The following POU3F2 variants were observed in gnomAD, a reference collection of about 807,000 sequenced individuals.
The protein encoded by POU3F2 is POU class 3 homeobox 2, also known as POU domain, class 3, transcription factor 2.
Under a neutral mutation model 33.1 loss-of-function variants are expected in POU3F2, and 11 were observed. The ratio of observed to expected loss-of-function variants is 0.33; its 90% CI spans 0.21 to 0.55. The LOEUF (loss-of-function observed/expected upper bound fraction) is 0.55, where lower values mean the gene tolerates loss of function less well. Ranked by LOEUF, POU3F2 falls within the 20% of genes least tolerant of loss-of-function variation. The probability of loss-of-function intolerance (pLI) is 0.91; values close to 1 mark genes in which losing one functional copy is unlikely to be tolerated. For missense variants in POU3F2, 456 were observed against 620.2 expected (o/e 0.74, Z 2.81); for synonymous variants, 332 against 289.6 (o/e 1.15, Z -1.49).
chr6:98,835,120 G>C lies in POU3F2; in HGVS notation c.247G>C (p.Gly83Arg). 8.3e-7 allele frequency: 1 copy of C among 1,211,126 alleles called. No individual in the cohort carries two copies. The highest frequency in any genetic ancestry group is 1.0e-6 in the Non-Finnish European group (1 of 975,574). 75.0% of individuals were successfully genotyped at this position (1,211,126 alleles called of 1,614,324 possible). ...GGGGGGGGGG[G>R]GGGGGDGSPW... Reference sequence around the variant, plus strand: ...TGGCGGCGGCGGGGGGGGCGGGGGCGGCGGCGGGGGCGGCGGCGACGGCTC... The same window carrying C: ...TGGCGGCGGCGGGGGGGGCGGGGGCCGCGGCGGGGGCGGCGGCGACGGCTC... The change falls in exon 1 of 1, where the codon GGC becomes CGC. Residue 83 changes from glycine (G) to arginine (R), a missense_variant. Around this residue, in one of 6 missense-constraint regions of POU3F2, gnomAD observed 341 missense variants for 382.4 expected, o/e 0.89. Transcript: ENST00000328345. This position sits in a 1 kb window ranked among gnomAD's most constrained non-coding sequence, Gnocchi z 9.7.
In POU3F2 at chr6:98,836,903, C is replaced by T. The variant is rs538054465; in HGVS notation, c.*698C>T. The T allele has an allele frequency of 6.0e-6, 1 of 167,186 alleles. No homozygotes were observed. Among genetic ancestry groups the T allele is most frequent in the East Asian group, 1.9e-4 (1 of 5,192 alleles). The allele number at this position is 167,186 out of a possible 1,614,324, so 10.4% of individuals were successfully genotyped here. On this transcript the variant is annotated 3_prime_UTR_variant, in exon 1 of 1. Coordinates refer to ENST00000328345, the MANE Select transcript of POU3F2 (RefSeq NM_005604.4). ...CTCCATTTCTAATGTTCTTGTGTTG[C>T]CCCTTCTTCGTACTGTTTGTGAACT... is the stretch of plus-strand genomic sequence containing the variant.
chr6:98,834,884 C>T lies in POU3F2; in HGVS notation c.11C>T (p.Ala4Val), dbSNP rs1769967984. The change falls in exon 1 of 1, where the codon GCA becomes GTA. Residue 4 changes from alanine (A) to valine (V), a missense_variant. Coordinates refer to ENST00000328345, the MANE Select transcript of POU3F2 (RefSeq NM_005604.4). Reference sequence around the variant, plus strand: ...CCGGCTCCGAGAGTCATGGCGACCGCAGCGTCTAACCACTACAGCCTGCTC... The same window carrying T: ...CCGGCTCCGAGAGTCATGGCGACCGTAGCGTCTAACCACTACAGCCTGCTC... MAT[A>V]ASNHYSLLTS... 2 of 1,598,898 alleles carry T rather than the reference C, an allele frequency of 1.3e-6. No individual in the cohort carries two copies. Among genetic ancestry groups the T allele is most frequent in the Non-Finnish European group, 8.5e-7 (1 of 1,179,126 alleles).
Position 98,836,269 on chromosome 6 carries a change from C to A in POU3F2, c.*64C>A. 1 of 1,482,040 alleles carries A rather than the reference C, an allele frequency of 6.7e-7. No individual in the cohort carries two copies. The highest frequency in any genetic ancestry group is 9.0e-7 in the Non-Finnish European group (1 of 1,116,562). The allele number at this position is 1,482,040 out of a possible 1,614,324, so 91.8% of individuals were successfully genotyped here. A position where few individuals can be genotyped will look rare whatever the true frequency, so the allele number is the denominator to read the frequency against. On this transcript the variant is annotated 3_prime_UTR_variant, in exon 1 of 1. Coordinates refer to ENST00000328345, the MANE Select transcript of POU3F2 (RefSeq NM_005604.4). ...TCCCCTTCGGTCCTTGGCCCTTTCC[C>A]GGCCCTCTTGTTCCCTCTCTAACTT...
chr6:98,836,341 A>G lies in POU3F2; in HGVS notation c.*136A>G, dbSNP rs953391220. On this transcript the variant is annotated 3_prime_UTR_variant, in exon 1 of 1. Transcript: ENST00000328345. Reference sequence around the variant, plus strand: ...ATTATTATTTCCCCGTCCCTTAAAAAGACAAAAAAAATAAGGCAAAAGGAA... The same window carrying G: ...ATTATTATTTCCCCGTCCCTTAAAAGGACAAAAAAAATAAGGCAAAAGGAA... 4.2e-6 allele frequency: 5 copies of G among 1,195,440 alleles called. No homozygotes were observed. The highest frequency in any genetic ancestry group is 1.1e-6 in the Non-Finnish European group (1 of 890,290). The allele number at this position is 1,195,440 out of a possible 1,614,324, so 74.1% of individuals were successfully genotyped here.
rs1338676454 is a variant in POU3F2, at chr6:98,835,667, C to A, written c.794C>A (p.Pro265Gln). ...GACCCGCACTCGGACGAGGACACGCCGACCTCGGACGACCTGGAGCAGTTC... is the reference window on the plus strand; with the variant it reads ...GACCCGCACTCGGACGAGGACACGCAGACCTCGGACGACCTGGAGCAGTTC... ...HHDPHSDEDT[P>Q]TSDDLEQFAK... The change falls in exon 1 of 1, where the codon CCG becomes CAG. Residue 265 changes from proline (P) to glutamine (Q), a missense_variant. Physicochemically the swap from Pro to Gln is moderately conservative, Grantham distance 76. Around this residue, in one of 6 missense-constraint regions of POU3F2, gnomAD observed 19 missense variants for 49.1 expected, o/e 0.39. Coordinates refer to ENST00000328345, the MANE Select transcript of POU3F2 (RefSeq NM_005604.4). The surrounding 1 kb of genome is among the most constrained non-coding windows in gnomAD (Gnocchi z 9.7). 6.2e-7 allele frequency: 1 copy of A among 1,613,442 alleles called. No individual in the cohort carries two copies. Among genetic ancestry groups the A allele is most frequent in the Non-Finnish European group, 8.5e-7 (1 of 1,179,950 alleles).
chr6:98,836,475 T>G lies in POU3F2; in HGVS notation c.*270T>G. On this transcript the variant is annotated 3_prime_UTR_variant, in exon 1 of 1. Coordinates refer to ENST00000328345, the MANE Select transcript of POU3F2 (RefSeq NM_005604.4). ...GGAGTGGAGTGTCTCCTGGAGAGAG[T>G]GAGGAGAGTGTGTGATAGCTAGAAA... 1 of 370,522 alleles carries G rather than the reference T, an allele frequency of 2.7e-6. No homozygotes were observed. The highest frequency in any genetic ancestry group is 4.8e-5 in the East Asian group (1 of 20,942). The allele number at this position is 370,522 out of a possible 1,614,324, so 23.0% of individuals were successfully genotyped here. A position where few individuals can be genotyped will look rare whatever the true frequency, so the allele number is the denominator to read the frequency against.
chr6:98,834,790 C>A lies in POU3F2; in HGVS notation c.-84C>A. 1 of 1,438,802 alleles carries A rather than the reference C, an allele frequency of 7.0e-7. No homozygotes were observed. 89.1% of individuals were successfully genotyped at this position (1,438,802 alleles called of 1,614,324 possible). On this transcript the variant is annotated 5_prime_UTR_variant, in exon 1 of 1. Coordinates refer to ENST00000328345, the MANE Select transcript of POU3F2 (RefSeq NM_005604.4). ...AGAGAGAGGAGACAGAAAGAGCGAG[C>A]GAGGAGAGGGAGCCCGAGGCGAAAA... is the stretch of plus-strand genomic sequence containing the variant.
Position 98,835,635 on chromosome 6 carries a change from G to T in POU3F2, c.762G>T (p.Ala254=), listed in dbSNP as rs1252802628. The part of the protein sequence containing the change: ...PPQGPPGHPG[A]HHDPHSDEDT... ...AGGGTCCGCCTGGCCACCCAGGCGC[G>T]CACCACGACCCGCACTCGGACGAGG... The change falls in exon 1 of 1, where the codon GCG becomes GCT. Residue 254 remains alanine, a synonymous_variant. Transcript: ENST00000328345. This position sits in a 1 kb window ranked among gnomAD's most constrained non-coding sequence, Gnocchi z 9.7. 1.9e-6 allele frequency: 3 copies of T among 1,612,756 alleles called. No individual in the cohort carries two copies. Among genetic ancestry groups the T allele is most frequent in the Non-Finnish European group, 2.5e-6 (3 of 1,179,782 alleles).
At position 98,838,391 on chromosome 6, in the gene POU3F2, G is replaced by T. The variant is rs1456347911; in HGVS notation, c.*2186G>T. ...TCTACAGCTTCTCTGACTCTTATAGGTTTACTAAGATGAAAGTTACCACTG... is the reference window on the plus strand; with the variant it reads ...TCTACAGCTTCTCTGACTCTTATAGTTTTACTAAGATGAAAGTTACCACTG... On this transcript the variant is annotated 3_prime_UTR_variant, in exon 1 of 1. Coordinates refer to ENST00000328345, the MANE Select transcript of POU3F2 (RefSeq NM_005604.4). 1 of 166,954 alleles carries T rather than the reference G, an allele frequency of 6.0e-6. No individual in the cohort carries two copies. Among genetic ancestry groups the T allele is most frequent in the African/African-American group, 2.4e-5 (1 of 41,416 alleles). The allele number at this position is 166,954 out of a possible 1,614,324, so 10.3% of individuals were successfully genotyped here. A position where few individuals can be genotyped will look rare whatever the true frequency, so the allele number is the denominator to read the frequency against.
At position 98,838,795 on chromosome 6, in the gene POU3F2, C is replaced by A. The variant is rs537757012; in HGVS notation, c.*2590C>A. Reference sequence around the variant, plus strand: ...ATAAAACAGAAATGCACAATACCTTCATAGTTTGTTCTAATTATTGAAATA... The same window carrying A: ...ATAAAACAGAAATGCACAATACCTTAATAGTTTGTTCTAATTATTGAAATA... On this transcript the variant is annotated 3_prime_UTR_variant, in exon 1 of 1. Coordinates refer to ENST00000328345, the MANE Select transcript of POU3F2 (RefSeq NM_005604.4). 6.3e-6 allele frequency: 1 copy of A among 159,526 alleles called. No individual in the cohort carries two copies. Among genetic ancestry groups the A allele is most frequent in the Non-Finnish European group, 1.5e-5 (1 of 68,060 alleles). The allele number at this position is 159,526 out of a possible 1,614,324, so 9.9% of individuals were successfully genotyped here. A position where few individuals can be genotyped will look rare whatever the true frequency, so the allele number is the denominator to read the frequency against.
chr6:98,834,744 G>C lies in POU3F2; in HGVS notation c.-130G>C. 1 of 1,050,408 alleles carries C rather than the reference G, an allele frequency of 9.5e-7. No homozygotes were observed. Among genetic ancestry groups the C allele is most frequent in the South Asian group, 1.6e-5 (1 of 62,040 alleles). The allele number at this position is 1,050,408 out of a possible 1,614,324, so 65.1% of individuals were successfully genotyped here. Reference sequence around the variant, plus strand: ...AGCAACAGAAGGCGTCGGAGCGGGCGTCGGAGCTGCCCGCTGTGGGAGAGA... The same window carrying C: ...AGCAACAGAAGGCGTCGGAGCGGGCCTCGGAGCTGCCCGCTGTGGGAGAGA... On this transcript the variant is annotated 5_prime_UTR_variant, in exon 1 of 1. Coordinates refer to ENST00000328345, the MANE Select transcript of POU3F2 (RefSeq NM_005604.4).
Position 98,835,607 on chromosome 6 carries a change from C to T in POU3F2, c.734C>T (p.Pro245Leu). The change falls in exon 1 of 1, where the codon CCG becomes CTG. Residue 245 changes from proline (P) to leucine (L), a missense_variant. By Grantham distance (98) the Pro-to-Leu change is moderately conservative. Coordinates refer to ENST00000328345, the MANE Select transcript of POU3F2 (RefSeq NM_005604.4). The surrounding 1 kb of genome is among the most constrained non-coding windows in gnomAD (Gnocchi z 9.7). ...PHQQPPPPPPPQGPPGHPGAH... is the reference protein window; with the variant it reads ...PHQQPPPPPPLQGPPGHPGAH... ...CAGCAGCCGCCGCCCCCGCCGCCCC[C>T]GCAGGGTCCGCCTGGCCACCCAGGC... 9.9e-6 allele frequency: 16 copies of T among 1,610,632 alleles called. No homozygotes were observed. The highest frequency in any genetic ancestry group is 1.4e-5 in the Non-Finnish European group (16 of 1,179,100).
Position 98,835,456 on chromosome 6 carries a change from T to C in POU3F2, c.583T>C (p.Phe195Leu). The C allele has an allele frequency of 1.3e-6, 2 of 1,584,304 alleles. No homozygotes were observed. The highest frequency in any genetic ancestry group is 1.1e-5 in the South Asian group (1 of 88,024). The change falls in exon 1 of 1, where the codon TTC becomes CTC. Residue 195 changes from phenylalanine (F) to leucine (L), a missense_variant. This residue lies in a region of POU3F2 where 341 missense variants were observed against 382.4 expected (regional missense o/e 0.89). Transcript: ENST00000328345. The surrounding 1 kb of genome is among the most constrained non-coding windows in gnomAD (Gnocchi z 9.7). ...CGGCTTGCTCTACTCGCAGCCCAGC[T>C]TCACGGTGAACGGCATGCTGGGCGC... The part of the protein sequence containing the change: ...NGGLLYSQPS[F>L]TVNGMLGAGG...
chr6:98,835,860 C>G lies in POU3F2; in HGVS notation c.987C>G (p.Asn329Lys). 1 of 1,614,202 alleles carries G rather than the reference C, an allele frequency of 6.2e-7. No homozygotes were observed. Among genetic ancestry groups the G allele is most frequent in the South Asian group, 1.1e-5 (1 of 91,086 alleles). Residue 329 changes from asparagine to lysine, a missense_variant, in exon 1 of 1, where the codon AAC becomes AAG. Asn to Lys is a moderately conservative substitution (Grantham distance 94). This residue lies in a region of POU3F2 where 48 missense variants were observed against 96.0 expected (regional missense o/e 0.50). Coordinates refer to ENST00000328345, the MANE Select transcript of POU3F2 (RefSeq NM_005604.4). This position sits in a 1 kb window ranked among gnomAD's most constrained non-coding sequence, Gnocchi z 9.7. ...KNMCKLKPLL[N>K]KWLEEADSSS... ...TGTGCAAGCTGAAGCCTTTGTTGAA[C>G]AAGTGGTTGGAGGAGGCGGACTCGT... is the stretch of plus-strand genomic sequence containing the variant.
chr6:98,834,946 G>T lies in POU3F2; in HGVS notation c.73G>T (p.Gly25Cys). 6.3e-7 allele frequency: 1 copy of T among 1,599,782 alleles called. No individual in the cohort carries two copies. The change falls in exon 1 of 1, where the codon GGC becomes TGC. Residue 25 changes from glycine to cysteine, a missense_variant. This residue lies in a region of POU3F2 where 341 missense variants were observed against 382.4 expected (regional missense o/e 0.89). Transcript: ENST00000328345. ...SASIVHAEPP[G>C]GMQQGAGGYR... The stretch of plus-strand genomic sequence containing the variant: ...CTCCATCGTGCACGCCGAGCCGCCC[G>T]GCGGCATGCAGCAGGGCGCGGGGGG...
Position 98,834,948 on chromosome 6 carries a change from C to A in POU3F2, c.75C>A (p.Gly25=), listed in dbSNP as rs1291976559. The A allele has an allele frequency of 3.1e-6, 5 of 1,598,904 alleles. No individual in the cohort carries two copies. The African/African-American group carries it at 4.0e-5, about 13-fold the overall frequency. ...SASIVHAEPP[G]GMQQGAGGYR... The stretch of plus-strand genomic sequence containing the variant: ...CCATCGTGCACGCCGAGCCGCCCGG[C>A]GGCATGCAGCAGGGCGCGGGGGGCT... The change falls in exon 1 of 1, where the codon GGC becomes GGA. Residue 25 remains glycine (G), a synonymous_variant. Transcript: ENST00000328345.
Position 98,835,027 on chromosome 6 carries a change from G to GA in POU3F2, c.154_155insA (p.Gly52GlufsTer109). ...CGACTACGGCGCTCTGCAGAGCAAC[G>GA]GACACCCGCTCAGCCACGCTCACCA... On this transcript the variant is annotated frameshift_variant, in exon 1 of 1. Transcript: ENST00000328345. LOFTEE classifies it high-confidence loss of function. This position sits in a 1 kb window ranked among gnomAD's most constrained non-coding sequence, Gnocchi z 9.7. 6.5e-7 allele frequency: 1 copy of GA among 1,550,276 alleles called. No individual in the cohort carries two copies. Among genetic ancestry groups the GA allele is most frequent in the Non-Finnish European group, 8.7e-7 (1 of 1,154,984 alleles).
rs759992003 is a variant in POU3F2 at position 98,835,071 on chromosome 6, C to T, written c.198C>T (p.Ser66=). The stretch of plus-strand genomic sequence containing the variant: ...CTCACCAGTGGATCACCGCGCTGTC[C>T]CACGGCGGCGGCGGCGGGGGCGGTG... ...SHAHQWITAL[S]HGGGGGGGGG... Residue 66 remains serine, a synonymous_variant, in exon 1 of 1, where the codon TCC becomes TCT. Coordinates refer to ENST00000328345, the MANE Select transcript of POU3F2 (RefSeq NM_005604.4). The surrounding 1 kb of genome is among the most constrained non-coding windows in gnomAD (Gnocchi z 9.7). The T allele has an allele frequency of 1.6e-6, 2 of 1,252,686 alleles. No homozygotes were observed. The highest frequency in any genetic ancestry group is 2.0e-6 in the Non-Finnish European group (2 of 1,000,322). 77.6% of individuals were successfully genotyped at this position (1,252,686 alleles called of 1,614,324 possible).
chr6:98,836,281 TC>T lies in POU3F2; in HGVS notation c.*79del. On this transcript the variant is annotated 3_prime_UTR_variant, in exon 1 of 1. Transcript: ENST00000328345. ...CTTGGCCCTTTCCCGGCCCTCTTGT[TC>T]CCTCTCTAACTTCTGATTGTTCTTT... 1 of 1,438,336 alleles carries T rather than the reference TC, an allele frequency of 7.0e-7. No homozygotes were observed. The highest frequency in any genetic ancestry group is 2.0e-4 in the Middle Eastern group (1 of 5,116). 89.1% of individuals were successfully genotyped at this position (1,438,336 alleles called of 1,614,324 possible).
Sources: allele counts gnomAD v4.1 joint callset, GRCh38; gene constraint gnomAD v4.1.1; regional missense constraint gnomAD v4.1.1; non-coding constraint Gnocchi (gnomAD v3.1); transcripts MANE v1.5; gene names NCBI Gene and HGNC (gene_info 2026-07-23, HGNC 2026-07-21).